The following MCTP2 variants were observed in gnomAD, a reference collection of about 807,000 sequenced individuals.
The protein encoded by MCTP2 is multiple C2 and transmembrane domain-containing protein 2.
MCTP2 carries 132 observed loss-of-function variants against 111.6 expected under a neutral mutation model. The observed-to-expected ratio is 1.18, with a 90% confidence interval of 1.03 to 1.37. MCTP2 has a LOEUF of 1.37. Ranked by LOEUF, MCTP2 falls within the 40% of genes most tolerant of loss-of-function variation. The pLI is 0.00. For synonymous variants in MCTP2, 395 were observed against 387.7 expected (o/e 1.02, Z -0.22); for missense variants, 1,183 against 1,067.9 (o/e 1.11, Z -1.50).
At chr15:94,370,224 T>C in intron 12 of MCTP2, 44 bp downstream of exon 12, 1 of 1,510,598 alleles carries the variant, frequency 6.6e-7, no homozygotes, top group Non-Finnish European at 9.1e-7. Flanking sequence ...ATTTATTTCC[T>C]GCTTTGAAAC....
intron 1 of MCTP2, among the ~76,000 whole-genome samples, chr15:94,294,523 C>A (rs1044238034): frequency 2.0e-5 from 3 of 152,126 alleles, no homozygotes; most frequent in Non-Finnish European, 4.4e-5. Flanking sequence ...TTCACCCCCT[C>A]AAATAAAGGA....
At position 94,440,096 on chromosome 15, in the gene MCTP2, T is replaced by C. The variant is rs566907785; in HGVS notation, c.2086-80T>C. On this transcript the variant is annotated intron_variant, in intron 17 of 22. Coordinates refer to ENST00000357742, the MANE Select transcript of MCTP2 (RefSeq NM_001385001.1). Reference sequence around the variant, plus strand: ...CTAGAAAGAGTCCAATTGAATCTCCTTACATCAATGAGTAGGAATTTGATT... The same window carrying C: ...CTAGAAAGAGTCCAATTGAATCTCCCTACATCAATGAGTAGGAATTTGATT... 6 of 1,517,010 alleles carry C rather than the reference T, an allele frequency of 4.0e-6. No homozygotes were observed. The South Asian group carries it at 6.0e-5, about 15-fold the overall frequency. The allele number at this position is 1,517,010 out of a possible 1,614,324, so 94.0% of individuals were successfully genotyped here.
chr15:94,477,462 G>A (rs2074458681), intron 22 of MCTP2, among the ~76,000 whole-genome samples: 1 of 152,074 alleles, frequency 6.6e-6, no homozygotes, highest in South Asian at 2.1e-4. Flanking sequence ...GCTCGATCCT[G>A]GCCCCTGTGG....
intron 4 of MCTP2, among the ~76,000 whole-genome samples, chr15:94,325,728 C>A (rs1281225950): frequency 1.3e-5 from 2 of 151,648 alleles, no homozygotes; most frequent in Non-Finnish European, 2.9e-5. Context: ...TAGAAAATGC[C>A]CCTTCATGAG....
chr15:94,243,702 TATAC>T (rs200354862), intron 1 of MCTP2, among the ~76,000 whole-genome samples: 5,229 of 137,276 alleles, frequency 0.038, 195 homozygotes, highest in East Asian at 0.13. Flanking sequence ...CATATGCGTA[TATAC>T]ACATATATGT....
intron 19 of MCTP2, among the ~76,000 whole-genome samples, chr15:94,453,665 T>C (rs2084614259): frequency 1.3e-5 from 2 of 152,184 alleles, no homozygotes; most frequent in Non-Finnish European, 2.9e-5. Flanking sequence ...TTTTACTTTT[T>C]CAGTATATAA....
rs1295049600 is a variant in MCTP2, at chr15:94,340,822, A to C, written c.867A>C (p.Glu289Asp). The change falls in exon 7 of 23, where the codon GAA becomes GAC. Residue 289 changes from glutamate to aspartate, a missense_variant. Coordinates refer to ENST00000357742, the MANE Select transcript of MCTP2 (RefSeq NM_001385001.1). ...TGCTTTTTGCTTGTAGAACAACTGA[A>C]CATATTTTAAAACTGGAAGATCCAA... is the stretch of plus-strand genomic sequence containing the variant. ...LSDLELNRTT[E>D]HILKLEDPNS... 1 of 1,608,004 alleles carries C rather than the reference A, an allele frequency of 6.2e-7. No homozygotes were observed. The highest frequency in any genetic ancestry group is 8.5e-7 in the Non-Finnish European group (1 of 1,175,156).
At chr15:94,233,861 C>T (rs938173967) in intron 1 of MCTP2, among the ~76,000 whole-genome samples, 2 of 152,132 alleles carry the variant, frequency 1.3e-5, no homozygotes, top group African/African-American at 4.8e-5. Flanking sequence ...GTGGAAAACA[C>T]TTGCTTTCTT....
At chr15:94,246,243 G>A (rs2152255770) in intron 1 of MCTP2, among the ~76,000 whole-genome samples, 1 of 152,264 alleles carries the variant, frequency 6.6e-6, no homozygotes, top group Admixed American at 6.5e-5. Context: ...TGGCTTAAAG[G>A]TCAAGTATTT....
chr15:94,260,638 A>G (rs1436159813), intron 1 of MCTP2, among the ~76,000 whole-genome samples: 1 of 152,156 alleles, frequency 6.6e-6, no homozygotes, highest in Non-Finnish European at 1.5e-5. Flanking sequence ...TAGAGGAGAG[A>G]GGTGAGAGAA....
intron 1 of MCTP2, among the ~76,000 whole-genome samples, chr15:94,285,390 C>T (rs577849692): frequency 2.6e-5 from 4 of 152,334 alleles, no homozygotes; most frequent in African/African-American, 9.6e-5. Flanking sequence ...ACTCTTATCA[C>T]TTAGCGTGGT....
intron 3 of MCTP2, chr15:94,314,722 T>G (rs1048978064): frequency 6.4e-6 from 3 of 467,972 alleles, no homozygotes; most frequent in African/African-American, 2.0e-5. Context: ...CCTTTTCCCT[T>G]TAAGGACAGT....
intron 5 of MCTP2, among the ~76,000 whole-genome samples, chr15:94,339,715 C>T (rs563783155): frequency 8.5e-5 from 13 of 152,272 alleles, no homozygotes; most frequent in Non-Finnish European, 1.5e-4. Flanking sequence ...GTACTAAAGC[C>T]TTTCTCATTA....
At chr15:94,378,557 T>G (rs186068092) in intron 12 of MCTP2, among the ~76,000 whole-genome samples, 2 of 152,160 alleles carry the variant, frequency 1.3e-5, no homozygotes, top group African/African-American at 2.4e-5. Context: ...AAAAGGAAAC[T>G]TTCTTATGTC....
At chr15:94,270,602 C>G (rs1027423331) in intron 1 of MCTP2, among the ~76,000 whole-genome samples, 18 of 152,218 alleles carry the variant, frequency 1.2e-4, no homozygotes, top group African/African-American at 4.3e-4. Context: ...TGCTCTTTCT[C>G]CATCTCCCCA....
chr15:94,467,727 C>A (rs992042951), intron 20 of MCTP2, among the ~76,000 whole-genome samples: 1 of 152,192 alleles, frequency 6.6e-6, no homozygotes, highest in Non-Finnish European at 1.5e-5. Flanking sequence ...GCAAGGAAAG[C>A]TGCAAGTTAA....
At chr15:94,375,620 A>G (rs375578387) in intron 12 of MCTP2, among the ~76,000 whole-genome samples, 81 of 152,280 alleles carry the variant, frequency 5.3e-4, no homozygotes, top group African/African-American at 1.8e-3. Flanking sequence ...AAAGTTTCCA[A>G]AATATATCTG....
chr15:94,362,483 A>G (rs35425224), intron 10 of MCTP2, among the ~76,000 whole-genome samples: 20,690 of 152,152 alleles, frequency 0.14, 1,669 homozygotes, highest in African/African-American at 0.19. Flanking sequence ...TGTATAAAGC[A>G]GCTCTGACAT....
At chr15:94,316,463 A>G (rs768531344) in intron 4 of MCTP2, among the ~76,000 whole-genome samples, 3 of 152,164 alleles carry the variant, frequency 2.0e-5, no homozygotes, top group Admixed American at 1.3e-4. Flanking sequence ...TTCTCCATTC[A>G]TGGCTGTTGG....
Sources: allele counts gnomAD v4.1 joint callset (sites outside exome capture counted in the v4.1 genomes callset), GRCh38; gene constraint gnomAD v4.1.1; transcripts MANE v1.5; gene names NCBI Gene and HGNC (gene_info 2026-07-23, HGNC 2026-07-21).